SPAG16: variants seen among roughly 807,000 people sequenced by gnomAD.
SPAG16 encodes the protein sperm associated antigen 16, also known as sperm-associated antigen 16 protein.
A neutral mutation model predicts 80.4 loss-of-function variants in SPAG16; 86 were observed. The ratio of observed to expected loss-of-function variants is 1.07; its 90% confidence interval spans 0.90 to 1.28. The LOEUF is 1.28. Among genes scored for constraint, SPAG16 ranks in the 50% most tolerant of loss-of-function variants. The pLI, the probability that SPAG16 is intolerant of heterozygous loss-of-function variation, is 0.00. For synonymous variants in SPAG16, 294 were observed against 265.9 expected, an observed-to-expected ratio of 1.11 and a Z score of -1.03; for missense variants, 870 against 765.3, an observed-to-expected ratio of 1.14 and a Z score of -1.61.
chr2:213,512,293 TAG>T (rs1243579939), intron 10 of SPAG16, among the ~76,000 whole-genome samples: 1 of 152,140 alleles, frequency 6.6e-6, no homozygotes, highest in African/African-American at 2.4e-5. Context: ...ATGATAAAGT[TAG>T]AGAGACAGAC....
chr2:213,822,653 G>A (rs772052071), intron 10 of SPAG16, among the ~76,000 whole-genome samples: 1 of 152,060 alleles, frequency 6.6e-6, no homozygotes, highest in Non-Finnish European at 1.5e-5. Flanking sequence ...GAACGTGCAG[G>A]TTTGTTACGT....
At chr2:214,315,520 T>TA (rs1695624493) in intron 15 of SPAG16, among the ~76,000 whole-genome samples, 1 of 150,146 alleles carries the variant, frequency 6.7e-6, no homozygotes, top group South Asian at 2.1e-4. Flanking sequence ...TTTATTTATT[T>TA]ATTTATTTAT....
intron 7 of SPAG16, among the ~76,000 whole-genome samples, chr2:213,357,183 G>C (rs2065705421): frequency 6.6e-6 from 1 of 151,946 alleles, no homozygotes; most frequent in Non-Finnish European, 1.5e-5. Context: ...CAATTATATG[G>C]TCAATTTTAG....
In SPAG16 at chr2:214,132,903, A is replaced by C. The variant is rs970554119; in HGVS notation, c.1594-16237A>C. Among the ~76,000 whole-genome samples, 3 of 151,212 alleles carry C rather than the reference A, an allele frequency of 2.0e-5. No individual in the cohort carries two copies. The East Asian group carries it at 5.9e-4, about 30-fold the overall frequency. On this transcript the variant is annotated intron_variant, in intron 14 of 15. Transcript: ENST00000331683. ...AGGTCGCGAGTTCGAGACCAGCCTG[A>C]CCAACATGGAGAAACCCCGTCTCTA...
intron 15 of SPAG16, among the ~76,000 whole-genome samples, chr2:214,190,091 T>C (rs1197033157): frequency 6.6e-6 from 1 of 152,126 alleles, no homozygotes; most frequent in African/African-American, 2.4e-5. Context: ...CCTTGATGCA[T>C]GCATATAGAC....
intron 10 of SPAG16, among the ~76,000 whole-genome samples, chr2:213,563,794 T>C (rs898829154): frequency 6.6e-6 from 1 of 152,240 alleles, no homozygotes; most frequent in Non-Finnish European, 1.5e-5. Context: ...TCAGTGCTTA[T>C]TGTTTGCACA....
At chr2:213,635,578 T>C (rs2062329504) in intron 10 of SPAG16, among the ~76,000 whole-genome samples, 1 of 152,164 alleles carries the variant, frequency 6.6e-6, no homozygotes, top group Non-Finnish European at 1.5e-5. Context: ...CCAACATCTA[T>C]TATATTTTGT....
At chr2:213,688,590 A>G (rs1393094214) in intron 10 of SPAG16, among the ~76,000 whole-genome samples, 1 of 152,214 alleles carries the variant, frequency 6.6e-6, no homozygotes, top group Non-Finnish European at 1.5e-5. Context: ...AACCCATCTA[A>G]TGAGAATTTA....
At chr2:214,136,458 G>C (rs1361452362) in intron 14 of SPAG16, among the ~76,000 whole-genome samples, 5 of 152,158 alleles carry the variant, frequency 3.3e-5, no homozygotes, top group Non-Finnish European at 7.3e-5. Flanking sequence ...CTTTGTACAA[G>C]TTATTGTAAT....
chr2:213,761,498 C>T (rs2068653954), intron 10 of SPAG16, among the ~76,000 whole-genome samples: 1 of 151,996 alleles, frequency 6.6e-6, no homozygotes, highest in African/African-American at 2.4e-5. Context: ...ACAAAATTTA[C>T]AAAACTTTAG....
chr2:214,208,172 C>T (rs777179314), intron 15 of SPAG16, among the ~76,000 whole-genome samples: 4 of 152,074 alleles, frequency 2.6e-5, no homozygotes, highest in African/African-American at 7.2e-5. Context: ...ATACAGATTT[C>T]GGTACCAAAA....
intron 10 of SPAG16, among the ~76,000 whole-genome samples, chr2:213,712,668 TC>T (rs2066052337): frequency 6.6e-6 from 1 of 152,146 alleles, no homozygotes; most frequent in Non-Finnish European, 1.5e-5. Context: ...GAAGAAAGCT[TC>T]TTCTTTCCTT....
intron 15 of SPAG16, among the ~76,000 whole-genome samples, chr2:214,321,947 A>G (rs1387322552): frequency 6.6e-6 from 1 of 152,216 alleles, no homozygotes; most frequent in African/African-American, 2.4e-5. Context: ...GTGCTTCTAC[A>G]ATACTTTGTA....
At chr2:213,322,823 A>T (rs1249934522) in intron 5 of SPAG16, among the ~76,000 whole-genome samples, 1 of 152,148 alleles carries the variant, frequency 6.6e-6, no homozygotes, top group Non-Finnish European at 1.5e-5. Context: ...AGACTGAGGG[A>T]AAAAGCCAAG....
intron 9 of SPAG16, among the ~76,000 whole-genome samples, chr2:213,415,469 C>T (rs753769661): frequency 1.4e-4 from 22 of 152,124 alleles, no homozygotes; most frequent in Non-Finnish European, 2.9e-4. Flanking sequence ...CTCAATGATG[C>T]CAAGTTGGGA....
intron 8 of SPAG16, among the ~76,000 whole-genome samples, chr2:213,366,631 C>G (rs1354245311): frequency 6.6e-6 from 1 of 152,070 alleles, no homozygotes; most frequent in Non-Finnish European, 1.5e-5. Flanking sequence ...CTCCATGATT[C>G]AAATACCTCC....
At position 213,489,950 on chromosome 2, in the gene SPAG16, T is replaced by A. The variant is rs1286290692; in HGVS notation, c.943-13T>A. The A allele has an allele frequency of 1.9e-6, 3 of 1,588,850 alleles. No individual in the cohort carries two copies. Among genetic ancestry groups the A allele is most frequent in the South Asian group, 1.2e-5 (1 of 86,180 alleles). On this transcript the variant is annotated splice_polypyrimidine_tract_variant and intron_variant, in intron 9 of 15. Transcript: ENST00000331683. ...TATTTAACACAGAGCTCTTGTTTAATTTTTTTCTCTAGGATTCAGAATTTC... is the reference window on the plus strand; with the variant it reads ...TATTTAACACAGAGCTCTTGTTTAAATTTTTTCTCTAGGATTCAGAATTTC...
At position 214,283,339 on chromosome 2, in the gene SPAG16, A is replaced by G. The variant is rs187192432; in HGVS notation, c.1721-126801A>G. 2.0e-3 allele frequency among the ~76,000 whole-genome samples: 303 copies of G among 152,264 alleles called. 14 individuals are homozygous for G. Among genetic ancestry groups the G allele is most frequent in the Admixed American group, 0.02 (303 of 15,288 alleles). Reference sequence around the variant, plus strand: ...TCATGACAGCAGCAACAACCACCACAAAAATAATAGCAAATACTTATAGGG... The same window carrying G: ...TCATGACAGCAGCAACAACCACCACGAAAATAATAGCAAATACTTATAGGG... On this transcript the variant is annotated intron_variant, in intron 15 of 15. Coordinates refer to ENST00000331683, the MANE Select transcript of SPAG16 (RefSeq NM_024532.5).
At chr2:213,335,234 C>G (rs2064296178) in intron 5 of SPAG16, among the ~76,000 whole-genome samples, 1 of 152,066 alleles carries the variant, frequency 6.6e-6, no homozygotes, top group Admixed American at 6.5e-5. Flanking sequence ...ATGAACTGTT[C>G]CCAAAGAATC....
Sources: gnomAD v4.1 joint callset for allele counts (sites outside exome capture counted in the v4.1 genomes callset) on GRCh38, gnomAD v4.1.1 for gene constraint, MANE v1.5 for transcripts, NCBI Gene and HGNC (gene_info 2026-07-23, HGNC 2026-07-21) for gene names.